SP7: variants seen among roughly 807,000 people sequenced by gnomAD.
SP7 encodes the protein transcription factor Sp7.
In SP7, 13 loss-of-function variants were observed where a neutral mutation model predicts 27.9. That is an observed-to-expected ratio of 0.47 (90% CI 0.30 to 0.74). The LOEUF (loss-of-function observed/expected upper bound fraction) is 0.74. SP7 is among the 30% of genes least tolerant of loss of function. SP7 has a pLI of 0.06. For missense variants in SP7, 525 were observed against 558.0 expected (o/e 0.94, Z 0.60); for synonymous variants, 219 against 226.7 (o/e 0.97, Z 0.31).
chr12:53,328,024 CAGAG>C lies in SP7; in HGVS notation c.*118_*121del. On this transcript the variant is annotated 3_prime_UTR_variant, in exon 3 of 3. Coordinates refer to ENST00000536324, the MANE Select transcript of SP7 (RefSeq NM_001173467.3). This position sits in a 1 kb window ranked among gnomAD's most constrained non-coding sequence, Gnocchi z 5.1. Reference sequence around the variant, plus strand: ...AAGCCCAGAATGGCCAGGAGGGAGACAGAGGGAGAGAGCCCCGAAGGATGGCATG... The same window carrying C: ...AAGCCCAGAATGGCCAGGAGGGAGACGGAGAGAGCCCCGAAGGATGGCATG... 1 of 1,042,360 alleles carries C rather than the reference CAGAG, an allele frequency of 9.6e-7. No homozygotes were observed. The highest frequency in any genetic ancestry group is 1.4e-6 in the Non-Finnish European group (1 of 739,064). The allele number at this position is 1,042,360 out of a possible 1,614,324, so 64.6% of individuals were successfully genotyped here. A position where few individuals can be genotyped will look rare whatever the true frequency, so the allele number is the denominator to read the frequency against.
At chr12:53,336,956 C>T (rs117670750), upstream of SP7, among the ~76,000 whole-genome samples, 22 of 152,146 alleles carry the variant, frequency 1.4e-4, no homozygotes, top group East Asian at 4.1e-3. Context: ...GGAGGTGATA[C>T]CTAGGCCTAC....
upstream of SP7, among the ~76,000 whole-genome samples, chr12:53,338,582 A>G (rs1400968700): frequency 6.6e-6 from 1 of 152,136 alleles, no homozygotes; most frequent in Non-Finnish European, 1.5e-5. Flanking sequence ...AGGAGTTGGA[A>G]GGAAGGGTCA....
chr12:53,340,769 A>G (rs948417961), upstream of SP7, among the ~76,000 whole-genome samples: 47 of 152,232 alleles, frequency 3.1e-4, no homozygotes, highest in Non-Finnish European at 5.4e-4. Flanking sequence ...GAAGGCACGC[A>G]GAGACAGGGA....
chr12:53,328,208 G>A lies in SP7; in HGVS notation c.1234C>T (p.Pro412Ser). ...CCAGGGGCTTTCTCTGGGGTTGCTG[G>A]CGAGGCAGAAGGTCGGGGCGTCTGA... ...ASQTPRPSAS[P>S]ATPEKAPGGS... Residue 412 changes from proline (P) to serine (S), a missense_variant, in exon 3 of 3, where the codon CCA (proline) becomes TCA (serine). Pro to Ser is a moderately conservative substitution (Grantham distance 74, BLOSUM62 -1). Coordinates refer to ENST00000536324, the MANE Select transcript of SP7 (RefSeq NM_001173467.3). This position sits in a 1 kb window ranked among gnomAD's most constrained non-coding sequence, Gnocchi z 5.1. The A allele has an allele frequency of 2.5e-6, 4 of 1,613,278 alleles. No homozygotes were observed. Among genetic ancestry groups the A allele is most frequent in the Non-Finnish European group, 3.4e-6 (4 of 1,179,680 alleles).
chr12:53,327,884 G>C lies in SP7; in HGVS notation c.*262C>G. On this transcript the variant is annotated 3_prime_UTR_variant, in exon 3 of 3. Coordinates refer to ENST00000536324, the MANE Select transcript of SP7 (RefSeq NM_001173467.3). ...TTGGTGTGGCAGGGCCAGAGTCTAG[G>C]AAGCCGGAGTGCAGGTATCAGGCAC... 2.1e-6 allele frequency: 1 copy of C among 465,272 alleles called. No individual in the cohort carries two copies. The highest frequency in any genetic ancestry group is 3.4e-5 in the East Asian group (1 of 29,380). The allele number at this position is 465,272 out of a possible 1,614,324, so 28.8% of individuals were successfully genotyped here.
chr12:53,331,933 C>T (rs564752899), intron 2 of SP7, among the ~76,000 whole-genome samples: 2 of 152,318 alleles, frequency 1.3e-5, no homozygotes, highest in South Asian at 2.1e-4. Flanking sequence ...GCAGTCCCCA[C>T]TTCTGCGCTA....
chr12:53,331,385 T>C (rs1410348019), intron 2 of SP7, among the ~76,000 whole-genome samples: 1 of 148,846 alleles, frequency 6.7e-6, no homozygotes, highest in Non-Finnish European at 1.5e-5. Flanking sequence ...GGCAGAGAAT[T>C]GCTTGAACCT....
chr12:53,328,799 G>C lies in SP7; in HGVS notation c.643C>G (p.Leu215Val). ...ACATGCTGGGGCCCTGGTTGCAAGAGGTGGGGAGCTGGGTAGGGGGCTGGA... is the reference window on the plus strand; with the variant it reads ...ACATGCTGGGGCCCTGGTTGCAAGACGTGGGGAGCTGGGTAGGGGGCTGGA... The part of the protein sequence containing the change: ...LNPAPYPAPH[L>V]LQPGPQHVLP... Residue 215 changes from leucine to valine, a missense_variant, in exon 3 of 3, where the codon CTC becomes GTC. Transcript: ENST00000536324. The surrounding 1 kb of genome is among the most constrained non-coding windows in gnomAD (Gnocchi z 5.1). The C allele has an allele frequency of 3.1e-6, 5 of 1,597,214 alleles. No homozygotes were observed. The highest frequency in any genetic ancestry group is 4.3e-6 in the Non-Finnish European group (5 of 1,168,402).
At chr12:53,339,585 C>T (rs982289131), upstream of SP7, among the ~76,000 whole-genome samples, 3 of 151,886 alleles carry the variant, frequency 2.0e-5, no homozygotes, top group African/African-American at 7.3e-5. Flanking sequence ...ATCAGCTGAG[C>T]GTGGTGACGG....
intron 1 of SP7, 78 bp downstream of exon 1, chr12:53,336,068 A>G: frequency 5.1e-6 from 1 of 195,592 alleles, no homozygotes; most frequent in Non-Finnish European, 1.1e-5. Flanking sequence ...GGGATGGTGG[A>G]CCCCGGTGTC....
rs374801698 is a variant in SP7 at position 53,328,143 on chromosome 12, G to A, written c.*3C>T. ...CCCTGGGGTGGGAGACCTTCCACCC[G>A]GCTCAGATCTCCAGCAAGTTGCTCT... is the stretch of plus-strand genomic sequence containing the variant. On this transcript the variant is annotated 3_prime_UTR_variant, in exon 3 of 3. Transcript: ENST00000536324. The surrounding 1 kb of genome is among the most constrained non-coding windows in gnomAD (Gnocchi z 5.1). The A allele has an allele frequency of 3.9e-5, 63 of 1,605,978 alleles. No homozygotes were observed. In the South Asian group the frequency reaches 4.1e-4, roughly 10 times the overall value.
intron 2 of SP7, among the ~76,000 whole-genome samples, chr12:53,330,169 C>T (rs1052125865): frequency 6.6e-6 from 1 of 152,188 alleles, no homozygotes; most frequent in African/African-American, 2.4e-5. Context: ...CTGCCTCAGC[C>T]TCCCACATAG....
Position 53,329,374 on chromosome 12 carries a change from G to A in SP7, c.68C>T (p.Ala23Val), listed in dbSNP as rs188929035. 354 of 1,613,968 alleles carry A rather than the reference G, an allele frequency of 2.2e-4. 1 individual carries two copies. The East Asian group carries it at 4.5e-3, about 21-fold the overall frequency. Residue 23 changes from alanine to valine, a missense_variant, in exon 3 of 3, where the codon GCG becomes GTG. Coordinates refer to ENST00000536324, the MANE Select transcript of SP7 (RefSeq NM_001173467.3). ...GSSPLAMLTA[A>V]CSKFGGSSPL... ...GCTAGAGCCACCAAATTTGCTGCAC[G>A]CTGCCGTCAGCATGGCCAGGGGACT...
At chr12:53,340,268 C>T (rs1011507582), upstream of SP7, among the ~76,000 whole-genome samples, 1 of 152,062 alleles carries the variant, frequency 6.6e-6, no homozygotes, top group Non-Finnish European at 1.5e-5. Context: ...ATGTCACATA[C>T]ATATACCCAG....
Position 53,329,179 on chromosome 12 carries a change from T to C in SP7, c.263A>G (p.Tyr88Cys), listed in dbSNP as rs1944673068. 3 of 1,613,706 alleles carry C rather than the reference T, an allele frequency of 1.9e-6. No homozygotes were observed. The African/African-American group carries it at 4.0e-5, about 22-fold the overall frequency. Residue 88 changes from tyrosine to cysteine, a missense_variant, in exon 3 of 3, where the codon TAT (tyrosine) becomes TGT (cysteine). Tyr to Cys is a radical substitution (Grantham distance 194, BLOSUM62 -2). Transcript: ENST00000536324. ...GGAAAAGGGAGGGTAATCATTAGCA[T>C]AGCCTGAGGTGGGTGCTGGAGGACT... ...AGSPPAPTSG[Y>C]ANDYPPFSHS...
upstream of SP7, among the ~76,000 whole-genome samples, chr12:53,339,213 G>A (rs1944801565): frequency 6.6e-6 from 1 of 152,208 alleles, no homozygotes; most frequent in South Asian, 2.1e-4. Flanking sequence ...AGCTCCAAGG[G>A]ATGGATGCCC....
chr12:53,336,062 T>C (rs1592535991), intron 1 of SP7, 84 bp downstream of exon 1: 2 of 205,096 alleles, frequency 9.8e-6, no homozygotes, highest in East Asian at 2.3e-4. Flanking sequence ...GTTAAAGGGA[T>C]GGTGGACCCC....
At chr12:53,339,242 T>C (rs981723838), upstream of SP7, among the ~76,000 whole-genome samples, 2 of 152,126 alleles carry the variant, frequency 1.3e-5, no homozygotes, top group Non-Finnish European at 2.9e-5. Context: ...AGGGGTGGGA[T>C]GATGCCTTTC....
At chr12:53,343,579 A>G (rs1009909568) in intron 1 of SP7, among the ~76,000 whole-genome samples, 12 of 152,212 alleles carry the variant, frequency 7.9e-5, no homozygotes, top group Admixed American at 6.5e-5. Flanking sequence ...AGGATTAGCA[A>G]TAAAAAGTGT....
Sources: allele counts gnomAD v4.1 joint callset (sites outside exome capture counted in the v4.1 genomes callset), GRCh38; gene constraint gnomAD v4.1.1; non-coding constraint Gnocchi (gnomAD v3.1); transcripts MANE v1.5; gene names NCBI Gene and HGNC (gene_info 2026-07-23, HGNC 2026-07-21).